Variants in GALNTL6 observed in about 807,000 individuals in gnomAD.
The protein encoded by GALNTL6 is polypeptide N-acetylgalactosaminyltransferase like 6, also known as polypeptide N-acetylgalactosaminyltransferase-like 6.
In GALNTL6, 46 loss-of-function variants were observed where a neutral mutation model predicts 73.7. That is an observed-to-expected ratio of 0.62 (90% CI 0.49 to 0.80). The LOEUF is 0.80. Ranked by LOEUF, GALNTL6 falls within the 30% of genes least tolerant of loss-of-function variation. The probability of loss-of-function intolerance (pLI) is 0.00; values close to 1 mark genes in which losing one functional copy is unlikely to be tolerated. For synonymous variants in GALNTL6, 259 were observed against 263.7 expected (o/e 0.98, Z 0.17); for missense variants, 604 against 755.0 (o/e 0.80, Z 2.34).
At chr4:172,016,730 T>A (rs1472252141) in intron 2 of GALNTL6, among the ~76,000 whole-genome samples, 2 of 149,908 alleles carry the variant, frequency 1.3e-5, no homozygotes, top group Admixed American at 1.3e-4. Flanking sequence ...TTAATTTATT[T>A]TTTATTGGAT....
intron 5 of GALNTL6, among the ~76,000 whole-genome samples, chr4:172,476,071 T>C (rs1196076835): frequency 1.3e-5 from 2 of 152,218 alleles, no homozygotes; most frequent in Admixed American, 6.5e-5. Context: ...CTATCTGATA[T>C]CCAGTCGAAT....
chr4:172,439,821 G>A lies in GALNTL6; in HGVS notation c.553+91132G>A, dbSNP rs554270009. Among the ~76,000 whole-genome samples the A allele has an allele frequency of 5.9e-4, 90 of 151,966 alleles. 1 individual carries two copies. The South Asian group carries it at 6.1e-3, about 10-fold the overall frequency. On this transcript the variant is annotated intron_variant, in intron 5 of 12. Coordinates refer to ENST00000506823, the MANE Select transcript of GALNTL6 (RefSeq NM_001034845.3). ...ACATCAATATTGAATGGAAAGTTTAGAGATTTCCCGTATACCCTTTGCCCA... is the reference window on the plus strand; with the variant it reads ...ACATCAATATTGAATGGAAAGTTTAAAGATTTCCCGTATACCCTTTGCCCA...
At chr4:172,699,879 G>A (rs1733928903) in intron 5 of GALNTL6, among the ~76,000 whole-genome samples, 1 of 151,984 alleles carries the variant, frequency 6.6e-6, no homozygotes, top group Non-Finnish European at 1.5e-5. Flanking sequence ...TAAAAGGATA[G>A]ACCAAATATC....
chr4:171,831,266 G>T (rs960174539), intron 2 of GALNTL6, among the ~76,000 whole-genome samples: 1 of 151,940 alleles, frequency 6.6e-6, no homozygotes, highest in Non-Finnish European at 1.5e-5. Context: ...AAAATCAAAG[G>T]TAAAACATGC....
intron 8 of GALNTL6, among the ~76,000 whole-genome samples, chr4:172,902,908 C>G (rs1006092233): frequency 1.3e-5 from 2 of 152,190 alleles, no homozygotes; most frequent in Admixed American, 6.5e-5. Context: ...TGAGAAGTTT[C>G]TATCTCCGAA....
rs144448032 is a variant in GALNTL6 at position 172,333,860 on chromosome 4, T to C, written c.387-14663T>C. Among the ~76,000 whole-genome samples the C allele has an allele frequency of 8.5e-3, 1,294 of 152,288 alleles. 16 individuals carry two copies. Among genetic ancestry groups the C allele is most frequent in the African/African-American group, 0.029 (1,223 of 41,550 alleles). On this transcript the variant is annotated intron_variant, in intron 4 of 12. Coordinates refer to ENST00000506823, the MANE Select transcript of GALNTL6 (RefSeq NM_001034845.3). ...CTTTAATATATCTTGAGTTTATTTT[T>C]GTATGTGGTGAGAGATAGGGGTCTA...
At chr4:171,919,273 C>T (rs931656135) in intron 2 of GALNTL6, among the ~76,000 whole-genome samples, 7 of 151,722 alleles carry the variant, frequency 4.6e-5, no homozygotes, top group Non-Finnish European at 8.8e-5. Context: ...TTAGCAGCTC[C>T]TGGTTTAGAG....
At chr4:172,139,723 T>C (rs1171841814) in intron 2 of GALNTL6, among the ~76,000 whole-genome samples, 1 of 152,200 alleles carries the variant, frequency 6.6e-6, no homozygotes, top group South Asian at 2.1e-4. Flanking sequence ...CTTCAAAGGA[T>C]TGAATTCTGC....
chr4:173,006,987 T>C (rs937403130), intron 10 of GALNTL6, among the ~76,000 whole-genome samples: 23 of 152,194 alleles, frequency 1.5e-4, no homozygotes, highest in Admixed American at 1.3e-3. Context: ...GCCCCAGCAG[T>C]AGCAGATGAA....
At chr4:172,251,394 C>T (rs1470975616) in intron 3 of GALNTL6, among the ~76,000 whole-genome samples, 1 of 152,060 alleles carries the variant, frequency 6.6e-6, no homozygotes, top group Non-Finnish European at 1.5e-5. Flanking sequence ...AATGTTTGAG[C>T]ATACATTTTA....
chr4:171,949,354 A>T (rs1039086198), intron 2 of GALNTL6, among the ~76,000 whole-genome samples: 3 of 152,198 alleles, frequency 2.0e-5, no homozygotes, highest in Non-Finnish European at 4.4e-5. Flanking sequence ...TTAGAAATTT[A>T]TATTTGTGTT....
chr4:172,087,774 AC>A (rs534782619), intron 2 of GALNTL6, among the ~76,000 whole-genome samples: 2,097 of 149,990 alleles, frequency 0.014, 28 homozygotes, highest in Middle Eastern at 0.028. Flanking sequence ...AAAAAAAAAA[AC>A]AGTGGAAATT....
intron 5 of GALNTL6, among the ~76,000 whole-genome samples, chr4:172,370,505 C>T (rs1742758979): frequency 6.6e-6 from 1 of 151,532 alleles, no homozygotes; most frequent in South Asian, 2.1e-4. Context: ...GTGGTGGGCG[C>T]CTGTAGTCCC....
chr4:171,885,560 C>A (rs906789375), intron 2 of GALNTL6, among the ~76,000 whole-genome samples: 1 of 152,064 alleles, frequency 6.6e-6, no homozygotes, highest in Non-Finnish European at 1.5e-5. Context: ...AATCTCAGTG[C>A]TTTGGGAGGC....
intron 8 of GALNTL6, among the ~76,000 whole-genome samples, chr4:172,899,750 G>T (rs566779322): frequency 6.6e-6 from 1 of 152,166 alleles, no homozygotes; most frequent in African/African-American, 2.4e-5. Flanking sequence ...GCAGCCCCAA[G>T]GTCTGCTGGT....
chr4:172,390,962 G>C (rs1389190827), intron 5 of GALNTL6, among the ~76,000 whole-genome samples: 1 of 152,112 alleles, frequency 6.6e-6, no homozygotes, highest in African/African-American at 2.4e-5. Context: ...GAGAAGAACA[G>C]TGGTTAATTG....
At chr4:172,743,276 A>G (rs1736904735) in intron 5 of GALNTL6, among the ~76,000 whole-genome samples, 1 of 152,050 alleles carries the variant, frequency 6.6e-6, no homozygotes, top group Non-Finnish European at 1.5e-5. Context: ...GAGTTGTTGC[A>G]GAGCCTTTTA....
chr4:172,976,059 C>T (rs1344515572), intron 10 of GALNTL6, among the ~76,000 whole-genome samples: 2 of 152,142 alleles, frequency 1.3e-5, no homozygotes, highest in Admixed American at 1.3e-4. Context: ...CTCCCACCAG[C>T]TCCCTGGAGT....
At chr4:172,110,683 C>T (rs767031483) in intron 2 of GALNTL6, among the ~76,000 whole-genome samples, 1 of 152,106 alleles carries the variant, frequency 6.6e-6, no homozygotes, top group African/African-American at 2.4e-5. Flanking sequence ...TAAATGCTTT[C>T]TATGCCGAAT....
Sources: gnomAD v4.1 joint callset for allele counts (sites outside exome capture counted in the v4.1 genomes callset) on GRCh38, gnomAD v4.1.1 for gene constraint, MANE v1.5 for transcripts, NCBI Gene and HGNC (gene_info 2026-07-23, HGNC 2026-07-21) for gene names.